RBPJ: variants seen among roughly 807,000 people sequenced by gnomAD.
RBPJ encodes the protein recombination signal binding protein for immunoglobulin kappa J region, also known as recombining binding protein suppressor of hairless.
Under a neutral mutation model 67.8 loss-of-function variants are expected in RBPJ, and 9 were observed. The observed-to-expected ratio is 0.13, with a 90% CI of 0.08 to 0.23. The LOEUF is 0.23. RBPJ is among the 10% of genes least tolerant of loss of function. RBPJ has a pLI of 1.00. For synonymous variants in RBPJ, 198 were observed against 203.3 expected (o/e 0.97, Z 0.22); for missense variants, 305 against 595.6 (o/e 0.51, Z 5.08).
chr4:26,118,044 A>G, the RBPJ span, among the ~76,000 whole-genome samples: 213 of 152,252 alleles, frequency 1.4e-3, 2 homozygotes, highest in Non-Finnish European at 5.9e-4. Flanking sequence ...TATCACAAAT[A>G]TGTATATTTG....
intron 2 of RBPJ, among the ~76,000 whole-genome samples, chr4:26,396,270 G>A (rs1732106760): frequency 6.6e-6 from 1 of 152,050 alleles, no homozygotes; most frequent in Non-Finnish European, 1.5e-5. Context: ...TCCATAAATG[G>A]GTAAATAATT....
At chr4:26,214,654 AAAAG>A (rs1296759717) in intron 1 of RBPJ, among the ~76,000 whole-genome samples, 3 of 139,484 alleles carry the variant, frequency 2.2e-5, no homozygotes, top group African/African-American at 8.5e-5. Context: ...AAGAAAGAGA[AAAAG>A]GAAGGAAGAA....
chr4:26,407,883 CTTTTTTTTTTTTTTTTTT>C (rs61575988), intron 3 of RBPJ, among the ~76,000 whole-genome samples: 4 of 63,622 alleles, frequency 6.3e-5, no homozygotes, highest in South Asian at 6.6e-4. Flanking sequence ...AGCTTTCTTT[CTTTTTTTTTTTTTTTTTT>C]TTTTTTTTTT....
intron 1 of RBPJ, among the ~76,000 whole-genome samples, chr4:26,303,589 G>C (rs1722147022): frequency 6.6e-6 from 1 of 151,974 alleles, no homozygotes; most frequent in Admixed American, 6.6e-5. Flanking sequence ...GCCCCCACTT[G>C]AACATTTATA....
chr4:26,174,533 G>A (rs763899672), intron 1 of RBPJ, among the ~76,000 whole-genome samples: 3 of 152,058 alleles, frequency 2.0e-5, no homozygotes, highest in Non-Finnish European at 4.4e-5. Context: ...GCAGTGGTGC[G>A]ATCTCACCTC....
chr4:26,217,279 A>AT (rs1237898293), intron 1 of RBPJ, among the ~76,000 whole-genome samples: 1 of 152,148 alleles, frequency 6.6e-6, no homozygotes, highest in Non-Finnish European at 1.5e-5. Flanking sequence ...CTGCAAGATG[A>AT]TTTTTTAGGA....
At chr4:26,425,353 A>G (rs1735530790) in intron 7 of RBPJ, among the ~76,000 whole-genome samples, 1 of 152,152 alleles carries the variant, frequency 6.6e-6, no homozygotes, top group Non-Finnish European at 1.5e-5. Context: ...CAACAGGTGA[A>G]GGCAGGAGAA....
the RBPJ span, among the ~76,000 whole-genome samples, chr4:26,138,496 G>A: frequency 1.1e-4 from 16 of 152,280 alleles, no homozygotes; most frequent in South Asian, 2.7e-3. Context: ...AGATGTTGGC[G>A]GAACTAAGTT....
At chr4:26,267,941 C>T (rs755405826) in intron 1 of RBPJ, among the ~76,000 whole-genome samples, 6 of 151,756 alleles carry the variant, frequency 4.0e-5, no homozygotes, top group African/African-American at 1.2e-4. Context: ...AGCTATGTGC[C>T]GAAGTCATAA....
chr4:26,138,713 C>T, the RBPJ span, among the ~76,000 whole-genome samples: 6 of 152,344 alleles, frequency 3.9e-5, no homozygotes, highest in African/African-American at 1.2e-4. Flanking sequence ...ACATGAACCA[C>T]TTCATAGACA....
Position 26,433,359 on chromosome 4 carries a change from A to G in RBPJ, c.*2352A>G, listed in dbSNP as rs1736398230. 6.6e-6 allele frequency: 1 copy of G among 152,226 alleles called. No homozygotes were observed. The highest frequency in any genetic ancestry group is 2.1e-4 in the South Asian group (1 of 4,828). 9.4% of individuals were successfully genotyped at this position (152,226 alleles called of 1,614,324 possible). On this transcript the variant is annotated 3_prime_UTR_variant, in exon 11 of 11. Coordinates refer to ENST00000355476, the MANE Select transcript of RBPJ (RefSeq NM_015874.6). ...CTAGTGCTGCTTTGCTTTAACGGCC[A>G]CAAGTTTCCTCCACTTCCTAGGTTT...
chr4:26,399,272 A>G (rs1184538177), intron 2 of RBPJ, among the ~76,000 whole-genome samples: 5 of 152,214 alleles, frequency 3.3e-5, no homozygotes, highest in African/African-American at 1.2e-4. Flanking sequence ...CTAATTGTCA[A>G]ATTTATGAAG....
chr4:26,318,469 C>G (rs1216269239), upstream of RBPJ, among the ~76,000 whole-genome samples: 1 of 151,854 alleles, frequency 6.6e-6, no homozygotes, highest in Non-Finnish European at 1.5e-5. Flanking sequence ...AATAAAAATA[C>G]GGAAAGGTGA....
At chr4:26,415,694 G>T in intron 4 of RBPJ, 54 bp downstream of exon 4, 1 of 1,470,412 alleles carries the variant, frequency 6.8e-7, no homozygotes, top group Non-Finnish European at 9.2e-7. Context: ...CCAGAATGTA[G>T]TTTTCATATT....
chr4:26,411,568 T>C (rs1236831804), intron 3 of RBPJ, among the ~76,000 whole-genome samples: 6 of 54,050 alleles, frequency 1.1e-4, no homozygotes, highest in Admixed American at 2.8e-4. Context: ...TGAAATAATT[T>C]AGAGTTGACT....
chr4:26,355,180 TAATCCC>T (rs1727240681), intron 1 of RBPJ, among the ~76,000 whole-genome samples: 1 of 152,090 alleles, frequency 6.6e-6, no homozygotes, highest in Non-Finnish European at 1.5e-5. Context: ...CACCTCCCCC[TAATCCC>T]CCAGGAGCTG....
intron 1 of RBPJ, among the ~76,000 whole-genome samples, chr4:26,192,035 G>A (rs1416492217): frequency 1.4e-5 from 2 of 146,008 alleles, no homozygotes; most frequent in African/African-American, 5.1e-5. Flanking sequence ...TTGAGGCAGA[G>A]TCTCACTCTG....
At position 26,420,659 on chromosome 4, in the gene RBPJ, C is replaced by T; in HGVS notation, c.430C>T (p.Leu144Phe). The change falls in exon 5 of 11, where the codon CTC becomes TTC. Residue 144 changes from leucine to phenylalanine, a missense_variant. Coordinates refer to ENST00000355476, the MANE Select transcript of RBPJ (RefSeq NM_015874.6). ...CAACAGTGATGACATTGGTGTGTTC[C>T]TCAGCAAGCGGATAAAAGTCATCTC... Reference protein sequence around the residue: ...YGNSDDIGVFLSKRIKVISKP... With the variant: ...YGNSDDIGVFFSKRIKVISKP... 1 of 1,613,914 alleles carries T rather than the reference C, an allele frequency of 6.2e-7. No individual in the cohort carries two copies. The highest frequency in any genetic ancestry group is 8.5e-7 in the Non-Finnish European group (1 of 1,179,922).
At chr4:26,383,031 A>C (rs572853152) in intron 1 of RBPJ, among the ~76,000 whole-genome samples, 1 of 152,364 alleles carries the variant, frequency 6.6e-6, no homozygotes, top group African/African-American at 2.4e-5. Context: ...TATATACAGA[A>C]GAAGCAATTT....
Sources: gnomAD v4.1 joint callset for allele counts (sites outside exome capture counted in the v4.1 genomes callset) on GRCh38, gnomAD v4.1.1 for gene constraint, MANE v1.5 for transcripts, NCBI Gene and HGNC (gene_info 2026-07-23, HGNC 2026-07-21) for gene names.